Variants in EPHB1 observed in about 807,000 individuals in gnomAD.
EPHB1 encodes EPH receptor B1, also known as ephrin type-B receptor 1.
In EPHB1, 30 loss-of-function variants were observed where a neutral mutation model predicts 94.4. That is an observed-to-expected ratio of 0.32 (90% CI 0.24 to 0.43). The LOEUF (loss-of-function observed/expected upper bound fraction) is 0.43. EPHB1 is among the 20% of genes least tolerant of loss of function. The pLI is 1.00. For synonymous variants in EPHB1, 522 were observed against 489.1 expected, an observed-to-expected ratio of 1.07 and a Z score of -0.89; for missense variants, 1,055 against 1,308.3, an observed-to-expected ratio of 0.81 and a Z score of 2.99.
chr3:135,169,383 C>T (rs557746687), intron 9 of EPHB1, among the ~76,000 whole-genome samples: 3 of 152,080 alleles, frequency 2.0e-5, no homozygotes, highest in Non-Finnish European at 4.4e-5. Flanking sequence ...CTTTTTAATT[C>T]GGTTTGCCTT....
intron 1 of EPHB1, among the ~76,000 whole-genome samples, chr3:134,834,207 A>G (rs62272428): frequency 0.043 from 6,489 of 152,272 alleles, 251 homozygotes; most frequent in South Asian, 0.2. Context: ...TTTTGTTCAG[A>G]CATATCCCAA....
intron 3 of EPHB1, among the ~76,000 whole-genome samples, chr3:135,082,269 G>A (rs1167109758): frequency 6.6e-6 from 1 of 152,178 alleles, no homozygotes; most frequent in Admixed American, 6.5e-5. Context: ...TAGCCACATG[G>A]GCTGGGCAGG....
At chr3:134,876,991 T>C (rs1323977304) in intron 1 of EPHB1, among the ~76,000 whole-genome samples, 2 of 152,174 alleles carry the variant, frequency 1.3e-5, no homozygotes, top group East Asian at 3.9e-4. Flanking sequence ...CTCTGAATCC[T>C]ACCACACGCC....
chr3:134,820,186 C>T (rs2036353417), intron 1 of EPHB1, among the ~76,000 whole-genome samples: 1 of 152,170 alleles, frequency 6.6e-6, no homozygotes, highest in African/African-American at 2.4e-5. Flanking sequence ...ATCACTCCCT[C>T]TTTCTTCCAC....
intron 13 of EPHB1, 30 bp from the exon 14 acceptor site, chr3:135,248,286 A>G (rs764546717): frequency 2.0e-5 from 31 of 1,514,924 alleles, no homozygotes; most frequent in Non-Finnish European, 2.7e-5. Context: ...CAGTCACTCA[A>G]TCACACCTGT....
chr3:135,189,798 C>T (rs1012475416), intron 10 of EPHB1, among the ~76,000 whole-genome samples: 6 of 152,212 alleles, frequency 3.9e-5, no homozygotes, highest in African/African-American at 1.4e-4. Context: ...CCAAACTCCA[C>T]ACACTGATAG....
chr3:135,174,935 G>A (rs1425115292), intron 9 of EPHB1, among the ~76,000 whole-genome samples: 1 of 152,142 alleles, frequency 6.6e-6, no homozygotes, highest in Non-Finnish European at 1.5e-5. Context: ...TGGAATTCTA[G>A]GCATCCTCCA....
chr3:134,922,830 GT>G (rs2038715228), intron 1 of EPHB1, among the ~76,000 whole-genome samples: 1 of 152,178 alleles, frequency 6.6e-6, no homozygotes, highest in Admixed American at 6.5e-5. Context: ...GAGGCTGTTG[GT>G]GTCAGGGTGG....
At chr3:135,111,899 C>T (rs747625488) in intron 4 of EPHB1, among the ~76,000 whole-genome samples, 2 of 152,134 alleles carry the variant, frequency 1.3e-5, no homozygotes, top group Non-Finnish European at 2.9e-5. Context: ...AGGCTGGTCT[C>T]GAACTCCTGA....
chr3:135,068,713 A>G (rs1245649212), intron 3 of EPHB1, among the ~76,000 whole-genome samples: 3 of 151,312 alleles, frequency 2.0e-5, no homozygotes, highest in Non-Finnish European at 4.4e-5. Context: ...CAGTGGCGCA[A>G]TCTCTGCTCA....
Position 134,805,341 on chromosome 3 carries a change from A to C in EPHB1, c.58+9652A>C, listed in dbSNP as rs1229125913. 2.6e-5 allele frequency among the ~76,000 whole-genome samples: 4 copies of C among 152,194 alleles called. No individual in the cohort carries two copies. The South Asian group carries it at 6.2e-4, about 24-fold the overall frequency. ...TGGCAAGGAACAAGGTGTCAGTATC[A>C]GAAAATCCACCGCATTTTGGACAGG... On this transcript the variant is annotated intron_variant, in intron 1 of 15. Coordinates refer to ENST00000398015, the MANE Select transcript of EPHB1 (RefSeq NM_004441.5).
intron 3 of EPHB1, among the ~76,000 whole-genome samples, chr3:135,004,864 AT>A (rs1246177794): frequency 6.6e-6 from 1 of 151,598 alleles, no homozygotes; most frequent in Non-Finnish European, 1.5e-5. Context: ...ATTCTTCTAA[AT>A]TTTTTTCAAA....
At chr3:135,168,267 C>G (rs181206040) in intron 9 of EPHB1, among the ~76,000 whole-genome samples, 1 of 152,356 alleles carries the variant, frequency 6.6e-6, no homozygotes, top group East Asian at 1.9e-4. Flanking sequence ...GGCTCGAGCA[C>G]TGCTGCTTTC....
Position 134,925,856 on chromosome 3 carries a change from C to A in EPHB1, c.99C>A (p.Gly33=). Residue 33 remains glycine (G), a synonymous_variant, in exon 2 of 16, where the codon GGC becomes GGA. Transcript: ENST00000398015. ...CCAGAACGGCTACTGCAGAGCTGGG[C>A]TGGACGGCCAATCCTGCGTCCGGGG... ...MDTRTATAEL[G]WTANPASGWE... is the part of the protein sequence containing the mutation. 6.2e-7 allele frequency: 1 copy of A among 1,605,472 alleles called. No homozygotes were observed. The highest frequency in any genetic ancestry group is 8.5e-7 in the Non-Finnish European group (1 of 1,175,782).
At chr3:135,170,060 T>C (rs891693399) in intron 9 of EPHB1, among the ~76,000 whole-genome samples, 4 of 152,190 alleles carry the variant, frequency 2.6e-5, no homozygotes, top group African/African-American at 9.6e-5. Flanking sequence ...CAGACAGCAA[T>C]TGGAGCTCTG....
intron 3 of EPHB1, among the ~76,000 whole-genome samples, chr3:135,055,115 A>T (rs956060942): frequency 3.9e-5 from 6 of 152,180 alleles, no homozygotes; most frequent in African/African-American, 1.4e-4. Context: ...AAACATTTTG[A>T]TATTAAAAAA....
chr3:135,197,515 G>T (rs375405979), intron 11 of EPHB1, among the ~76,000 whole-genome samples: 8 of 152,166 alleles, frequency 5.3e-5, no homozygotes, highest in Admixed American at 6.5e-5. Context: ...AGCTTGAAAG[G>T]TCCCTTTCAG....
intron 1 of EPHB1, among the ~76,000 whole-genome samples, chr3:134,906,157 T>C (rs1469382645): frequency 6.6e-6 from 1 of 152,196 alleles, no homozygotes; most frequent in Non-Finnish European, 1.5e-5. Flanking sequence ...AGGCCTGTGT[T>C]CCCCATGTTT....
At chr3:135,249,579 G>T in intron 15 of EPHB1, 88 bp downstream of exon 15, 1 of 1,473,394 alleles carries the variant, frequency 6.8e-7, no homozygotes, top group Non-Finnish European at 9.2e-7. Context: ...TCCTATTTCT[G>T]GCCTCATCCC....
Sources: allele counts gnomAD v4.1 joint callset (sites outside exome capture counted in the v4.1 genomes callset), GRCh38; gene constraint gnomAD v4.1.1; transcripts MANE v1.5; gene names NCBI Gene and HGNC (gene_info 2026-07-23, HGNC 2026-07-21).